LRP6: variants seen among roughly 807,000 people sequenced by gnomAD.
The protein encoded by LRP6 is LDL receptor related protein 6, also known as low-density lipoprotein receptor-related protein 6.
Under a neutral mutation model 184.1 loss-of-function variants are expected in LRP6, and 43 were observed. That is an observed-to-expected ratio of 0.23 (90% CI 0.18 to 0.30). LRP6 has a LOEUF of 0.30. LRP6 is among the 10% of genes least tolerant of loss of function. LRP6 has a pLI of 1.00. For synonymous variants in LRP6, 719 were observed against 684.9 expected (o/e 1.05, Z -0.78); for missense variants, 1,571 against 2,005.3 (o/e 0.78, Z 4.14).
chr12:12,183,730 G>A (rs1863400213), intron 5 of LRP6, among the ~76,000 whole-genome samples: 1 of 152,046 alleles, frequency 6.6e-6, no homozygotes, highest in Non-Finnish European at 1.5e-5. Flanking sequence ...TATGAGATTT[G>A]ACAGAAAAGA....
intron 2 of LRP6, among the ~76,000 whole-genome samples, chr12:12,229,190 G>A (rs1864709677): frequency 6.6e-6 from 1 of 152,026 alleles, no homozygotes; most frequent in Non-Finnish European, 1.5e-5. Flanking sequence ...GACCAACATG[G>A]AGAATCCCCA....
chr12:12,128,368 TTCTA>T (rs1419179970), intron 19 of LRP6, among the ~76,000 whole-genome samples: 3 of 152,234 alleles, frequency 2.0e-5, no homozygotes, highest in East Asian at 1.9e-4. Flanking sequence ...CCAGAGAGAT[TTCTA>T]TCTATCACCT....
At chr12:12,246,607 G>A (rs1865191153) in intron 1 of LRP6, among the ~76,000 whole-genome samples, 1 of 151,780 alleles carries the variant, frequency 6.6e-6, no homozygotes, top group Non-Finnish European at 1.5e-5. Context: ...TAAAATGGGA[G>A]GGTCACTTGA....
Position 12,267,016 on chromosome 12 carries a change from C to G in LRP6, c.-281G>C, listed in dbSNP as rs968910455. On this transcript the variant is annotated 5_prime_UTR_variant, in exon 1 of 23. Coordinates refer to ENST00000261349, the MANE Select transcript of LRP6 (RefSeq NM_002336.3). ...TCCCCCGCGCAGCTCCTCATTCAGC[C>G]TCTGCCTCGCGCAGCGGCGCAGGGA... 2.0e-6 allele frequency: 1 copy of G among 493,980 alleles called. No homozygotes were observed. The highest frequency in any genetic ancestry group is 2.6e-5 in the South Asian group (1 of 38,542). 30.6% of individuals were successfully genotyped at this position (493,980 alleles called of 1,614,324 possible). A position where few individuals can be genotyped will look rare whatever the true frequency, so the allele number is the denominator to read the frequency against.
At chr12:12,247,699 T>G (rs1470073152) in intron 1 of LRP6, among the ~76,000 whole-genome samples, 2 of 152,202 alleles carry the variant, frequency 1.3e-5, no homozygotes, top group East Asian at 3.9e-4. Context: ...AAATGGGATA[T>G]CTGATAGGTA....
chr12:12,130,866 C>T lies in LRP6; in HGVS notation c.3998G>A (p.Cys1333Tyr). The change falls in exon 19 of 23, where the codon TGT becomes TAT. Residue 1333 changes from cysteine (C) to tyrosine (Y), a missense_variant. Coordinates refer to ENST00000261349, the MANE Select transcript of LRP6 (RefSeq NM_002336.3). ...CTTTCCAATGCACTGACCATTGGCACAGCGGAACTGATCAATTAAACAAAG... is the reference window on the plus strand; with the variant it reads ...CTTTCCAATGCACTGACCATTGGCATAGCGGAACTGATCAATTAAACAAAG... The part of the protein sequence containing the change: ...EVLCLIDQFR[C>Y]ANGQCIGKHK... 1 of 1,608,166 alleles carries T rather than the reference C, an allele frequency of 6.2e-7. No individual in the cohort carries two copies.
At chr12:12,260,943 G>A (rs750507805) in intron 1 of LRP6, among the ~76,000 whole-genome samples, 6 of 151,994 alleles carry the variant, frequency 3.9e-5, no homozygotes, top group Non-Finnish European at 8.8e-5. Context: ...TCCAGTATGC[G>A]CAAAATATTT....
intron 6 of LRP6, among the ~76,000 whole-genome samples, chr12:12,180,523 G>C (rs1863317951): frequency 6.6e-6 from 1 of 152,032 alleles, no homozygotes. Context: ...AAATTGTTGA[G>C]TATGTAAAAA....
At chr12:12,124,720 C>G in intron 21 of LRP6, 58 bp from the exon 22 acceptor site, 1 of 1,101,734 alleles carries the variant, frequency 9.1e-7, no homozygotes, top group East Asian at 2.6e-5. Context: ...ATCAGACTTT[C>G]TTTCAACTTT....
intron 16 of LRP6, among the ~76,000 whole-genome samples, chr12:12,137,341 T>C (rs1056085169): frequency 1.3e-5 from 2 of 152,182 alleles, no homozygotes; most frequent in African/African-American, 4.8e-5. Context: ...TCTCTATGAT[T>C]AGGGTAATTT....
rs1276102955 is a variant in LRP6 at position 12,244,362 on chromosome 12, T to C, written c.349A>G (p.Asn117Asp). 6.2e-7 allele frequency: 1 copy of C among 1,614,196 alleles called. No individual in the cohort carries two copies. Among genetic ancestry groups the C allele is most frequent in the Non-Finnish European group, 8.5e-7 (1 of 1,180,002 alleles). ...EKLYWTDSET[N>D]RIEVSNLDGS... ...TCTAAATTAGAAACTTCAATCCGAT[T>C]AGTTTCAGAATCTGTCCAGTACAAT... The change falls in exon 2 of 23, where the codon AAT becomes GAT. Residue 117 changes from asparagine (N) to aspartate (D), a missense_variant. By Grantham distance (23) the Asn-to-Asp change is conservative. Transcript: ENST00000261349.
At position 12,119,008 on chromosome 12, in the gene LRP6, A is replaced by T. The variant is rs1949556996; in HGVS notation, c.*2118T>A. 6.6e-6 allele frequency: 1 copy of T among 152,220 alleles called. No homozygotes were observed. The highest frequency in any genetic ancestry group is 1.5e-5 in the Non-Finnish European group (1 of 68,042). The allele number at this position is 152,220 out of a possible 1,614,324, so 9.4% of individuals were successfully genotyped here. A position where few individuals can be genotyped will look rare whatever the true frequency, so the allele number is the denominator to read the frequency against. ...ATTGCTAACCTTTCCATCTTCATTT[A>T]AGCATCAAGTGCCCTGTGTATCACA... On this transcript the variant is annotated 3_prime_UTR_variant, in exon 23 of 23. Transcript: ENST00000261349.
intron 15 of LRP6, among the ~76,000 whole-genome samples, chr12:12,146,350 T>C (rs1950005974): frequency 6.6e-6 from 1 of 152,214 alleles, no homozygotes; most frequent in Non-Finnish European, 1.5e-5. Context: ...TCTACCATAC[T>C]GGCCAATGCT....
intron 14 of LRP6, 89 bp from the exon 15 acceptor site, chr12:12,147,645 T>C (rs927383875): frequency 5.9e-5 from 63 of 1,064,652 alleles, no homozygotes; most frequent in Middle Eastern, 2.5e-4. Context: ...GGAGGTAGAG[T>C]ATTTTTAAGT....
At chr12:12,252,843 T>A (rs2135933000) in intron 1 of LRP6, among the ~76,000 whole-genome samples, 1 of 152,352 alleles carries the variant, frequency 6.6e-6, no homozygotes, top group Non-Finnish European at 1.5e-5. Flanking sequence ...ATATATACAT[T>A]CTTGATATAC....
chr12:12,221,815 C>T (rs1864497046), intron 2 of LRP6, among the ~76,000 whole-genome samples: 1 of 152,134 alleles, frequency 6.6e-6, no homozygotes, highest in African/African-American at 2.4e-5. Context: ...AGTTGGTACT[C>T]GCCTGTGTGG....
In LRP6 at chr12:12,118,985, T is replaced by C. The variant is rs1949556804; in HGVS notation, c.*2141A>G. 1 of 152,220 alleles carries C rather than the reference T, an allele frequency of 6.6e-6. No homozygotes were observed. The highest frequency in any genetic ancestry group is 2.4e-5 in the African/African-American group (1 of 41,474). The allele number at this position is 152,220 out of a possible 1,614,324, so 9.4% of individuals were successfully genotyped here. A position where few individuals can be genotyped will look rare whatever the true frequency, so the allele number is the denominator to read the frequency against. On this transcript the variant is annotated 3_prime_UTR_variant, in exon 23 of 23. Coordinates refer to ENST00000261349, the MANE Select transcript of LRP6 (RefSeq NM_002336.3). ...CAAATTCTAACTGACACCCAGGTAT[T>C]GCTAACCTTTCCATCTTCATTTAAG...
At chr12:12,158,203 T>C (rs926736488) in intron 12 of LRP6, among the ~76,000 whole-genome samples, 3 of 152,242 alleles carry the variant, frequency 2.0e-5, no homozygotes, top group African/African-American at 2.4e-5. Flanking sequence ...GACAAGTAAG[T>C]TGTGTTTTGC....
At chr12:12,174,268 C>T (rs535701843) in intron 7 of LRP6, among the ~76,000 whole-genome samples, 4 of 152,122 alleles carry the variant, frequency 2.6e-5, no homozygotes, top group East Asian at 3.9e-4. Context: ...CATGCCACCA[C>T]GTTTGGCTAA....
Sources: gnomAD v4.1 joint callset for allele counts (sites outside exome capture counted in the v4.1 genomes callset) on GRCh38, gnomAD v4.1.1 for gene constraint, MANE v1.5 for transcripts, NCBI Gene and HGNC (gene_info 2026-07-23, HGNC 2026-07-21) for gene names.